Variants in ANKAR observed in about 807,000 individuals in gnomAD.
ANKAR encodes the protein ankyrin and armadillo repeat containing, also known as ankyrin and armadillo repeat-containing protein.
ANKAR carries 136 observed loss-of-function variants against 146.2 expected under a neutral mutation model. The observed-to-expected ratio is 0.93, with a 90% CI of 0.81 to 1.07. The LOEUF is 1.07. Among genes scored for constraint, ANKAR ranks in the 50% least tolerant of loss-of-function variants. The pLI is 0.00. For synonymous variants in ANKAR, 500 were observed against 575.8 expected, an observed-to-expected ratio of 0.87 and a Z score of 1.88; for missense variants, 1,567 against 1,679.9, an observed-to-expected ratio of 0.93 and a Z score of 1.18.
At chr2:189,711,351 CTT>C (rs754943319) in intron 10 of ANKAR, among the ~76,000 whole-genome samples, 198 bp downstream of exon 10, 13 of 152,228 alleles carry the variant, frequency 8.5e-5, no homozygotes, top group African/African-American at 2.6e-4. Context: ...GATCAAAAAA[CTT>C]TATCAATTCT....
chr2:189,715,359 G>A (rs1373219712), intron 10 of ANKAR, among the ~76,000 whole-genome samples: 1 of 152,074 alleles, frequency 6.6e-6, no homozygotes, highest in African/African-American at 2.4e-5. Flanking sequence ...TAAATTCCTG[G>A]ACACATACAA....
intron 20 of ANKAR, 132 bp from the exon 21 acceptor site, chr2:189,743,143 T>G: frequency 1.3e-6 from 1 of 779,340 alleles, no homozygotes; most frequent in South Asian, 1.9e-5. Flanking sequence ...ACACTGCCAT[T>G]TGTTTGCATA....
chr2:189,690,219 G>T (rs1421491148), intron 3 of ANKAR, among the ~76,000 whole-genome samples: 3 of 152,102 alleles, frequency 2.0e-5, no homozygotes, highest in African/African-American at 7.2e-5. Context: ...TATGAATAGG[G>T]AAATATGCCA....
intron 21 of ANKAR, 61 bp downstream of exon 21, chr2:189,743,535 G>T: frequency 7.0e-7 from 1 of 1,434,844 alleles, no homozygotes; most frequent in African/African-American, 1.4e-5. Context: ...CTTTAATGAG[G>T]TTTAGTAAGA....
chr2:189,749,042 C>T (rs1418174572), downstream of ANKAR, among the ~76,000 whole-genome samples: 2 of 151,802 alleles, frequency 1.3e-5, no homozygotes, highest in Non-Finnish European at 2.9e-5. Flanking sequence ...GTCAGGAGTT[C>T]GAGACCAGCC....
chr2:189,684,276 T>TC (rs11390762), intron 2 of ANKAR, among the ~76,000 whole-genome samples: 152,088 of 152,240 alleles, frequency 1, 75,969 homozygotes, highest in Middle Eastern at 1. Flanking sequence ...CCCACACCAC[T>TC]GTCCACTTTC....
chr2:189,760,767 G>A (rs1206264364), intron 18 of ANKAR, among the ~76,000 whole-genome samples: 2 of 151,766 alleles, frequency 1.3e-5, no homozygotes, highest in African/African-American at 2.4e-5. Flanking sequence ...CTCCAGCCTG[G>A]TGACAGAGTG....
intron 18 of ANKAR, chr2:189,755,602 A>C: frequency 6.5e-7 from 1 of 1,543,340 alleles, no homozygotes; most frequent in Non-Finnish European, 8.7e-7. Context: ...TTAAGATTGT[A>C]AAAATGAAGA....
chr2:189,744,224 G>A (rs970718490), intron 21 of ANKAR, among the ~76,000 whole-genome samples: 2 of 152,148 alleles, frequency 1.3e-5, no homozygotes, highest in African/African-American at 4.8e-5. Context: ...AGAATGATGA[G>A]TACATCTTTG....
At chr2:189,742,905 G>GACACACACACACACAC (rs397987025) in intron 20 of ANKAR, among the ~76,000 whole-genome samples, 2 of 33,500 alleles carry the variant, frequency 6.0e-5, no homozygotes, top group African/African-American at 2.7e-4. Flanking sequence ...AGAATTACCT[G>GACACACACACACACAC]ACACACACAC....
intron 6 of ANKAR, 73 bp from the exon 7 acceptor site, chr2:189,696,077 T>G: frequency 7.8e-7 from 1 of 1,286,282 alleles, no homozygotes; most frequent in African/African-American, 1.5e-5. Flanking sequence ...GTTAATACAC[T>G]TCATGTATTT....
At chr2:189,691,713 T>G (rs1002335777) in intron 3 of ANKAR, among the ~76,000 whole-genome samples, 120 of 142,878 alleles carry the variant, frequency 8.4e-4, no homozygotes, top group African/African-American at 1.5e-3. Flanking sequence ...ATATTTGAGA[T>G]ATATATATAT....
At chr2:189,738,087 C>T (rs952141791) in intron 18 of ANKAR, among the ~76,000 whole-genome samples, 19 of 152,064 alleles carry the variant, frequency 1.2e-4, no homozygotes, top group Non-Finnish European at 2.9e-5. Flanking sequence ...TTATAACAAG[C>T]CTGTAAGGTT....
chr2:189,718,043 A>C (rs2040725461), intron 10 of ANKAR, among the ~76,000 whole-genome samples: 2 of 152,060 alleles, frequency 1.3e-5, no homozygotes, highest in South Asian at 4.1e-4. Context: ...CTATGTAACA[A>C]ACCTGCACAT....
At chr2:189,711,997 G>A (rs1267054471) in intron 10 of ANKAR, among the ~76,000 whole-genome samples, 2 of 152,212 alleles carry the variant, frequency 1.3e-5, no homozygotes, top group African/African-American at 2.4e-5. Flanking sequence ...CACTGCTAGC[G>A]CGGCAGTCTG....
intron 12 of ANKAR, among the ~76,000 whole-genome samples, chr2:189,725,500 G>A (rs1311405098): frequency 6.6e-6 from 1 of 152,082 alleles, no homozygotes; most frequent in African/African-American, 2.4e-5. Flanking sequence ...GTGACAGAAA[G>A]TAATAAAATC....
chr2:189,701,489 C>A (rs2038046784), intron 7 of ANKAR, among the ~76,000 whole-genome samples: 1 of 152,210 alleles, frequency 6.6e-6, no homozygotes, highest in Non-Finnish European at 1.5e-5. Flanking sequence ...CCCACCTTGG[C>A]TTCCCAAAGT....
In ANKAR at chr2:189,692,251, G is replaced by A. The variant is rs779593042; in HGVS notation, c.1040-4G>A. 2.3e-5 allele frequency: 36 copies of A among 1,582,378 alleles called. No homozygotes were observed. In the South Asian group the frequency reaches 4.2e-4, roughly 18 times the overall value. ...TAAATAAAAATTTGTTTTCATTTTT[G>A]GAGATGACAAGGTCAAGACAGAGCG... On this transcript the variant is annotated splice_region_variant and splice_polypyrimidine_tract_variant and intron_variant, in intron 3 of 22. Transcript: ENST00000684021.
downstream of ANKAR, chr2:189,762,513 G>C (rs963923820): frequency 1.2e-6 from 1 of 842,288 alleles, no homozygotes; most frequent in Admixed American, 6.2e-5. Context: ...TGGACAAGGA[G>C]GATTGTACGA....
Sources: gnomAD v4.1 joint callset for allele counts (sites outside exome capture counted in the v4.1 genomes callset) on GRCh38, gnomAD v4.1.1 for gene constraint, MANE v1.5 for transcripts, NCBI Gene and HGNC (gene_info 2026-07-23, HGNC 2026-07-21) for gene names.